The following PLS1 variants were observed in gnomAD, a reference collection of about 807,000 sequenced individuals.
PLS1 encodes plastin-1.
PLS1 carries 32 observed loss-of-function variants against 73.7 expected under a neutral mutation model. That is an observed-to-expected ratio of 0.43 (90% CI 0.33 to 0.58). PLS1 has a LOEUF of 0.58. Ranked by LOEUF, PLS1 falls within the 20% of genes least tolerant of loss-of-function variation. The probability of loss-of-function intolerance (pLI) is 0.04; values close to 1 mark genes in which losing one functional copy is unlikely to be tolerated. For missense variants in PLS1, 633 were observed against 740.5 expected (o/e 0.85, Z 1.68); for synonymous variants, 217 against 261.3 (o/e 0.83, Z 1.63).
At chr3:142,631,975 A>T (rs1199945707) in intron 1 of PLS1, among the ~76,000 whole-genome samples, 1 of 152,232 alleles carries the variant, frequency 6.6e-6, no homozygotes, top group Admixed American at 6.5e-5. Context: ...TATGACTGAT[A>T]AGAGGATAAT....
At chr3:142,639,737 G>T (rs933318183) in intron 1 of PLS1, among the ~76,000 whole-genome samples, 1 of 152,164 alleles carries the variant, frequency 6.6e-6, no homozygotes, top group East Asian at 1.9e-4. Flanking sequence ...GATGCCCTTC[G>T]CAGTGCTTAG....
intron 1 of PLS1, among the ~76,000 whole-genome samples, chr3:142,610,392 A>G (rs930768683): frequency 5.3e-5 from 8 of 152,224 alleles, no homozygotes; most frequent in African/African-American, 1.9e-4. Context: ...TTGTCTAACT[A>G]GCACAGAGTA....
chr3:142,689,173 G>A (rs1226253656), intron 9 of PLS1, among the ~76,000 whole-genome samples: 1 of 152,038 alleles, frequency 6.6e-6, no homozygotes, highest in Non-Finnish European at 1.5e-5. Context: ...GTGGCTCACG[G>A]CTATAATCCC....
At chr3:142,628,625 C>T (rs565133961) in intron 1 of PLS1, among the ~76,000 whole-genome samples, 1 of 152,220 alleles carries the variant, frequency 6.6e-6, no homozygotes. Context: ...TTGATAATGG[C>T]ACCTGTTACT....
At position 142,704,481 on chromosome 3, in the gene PLS1, A is replaced by T. The variant is rs1445435502; in HGVS notation, c.1524A>T (p.Leu508Phe). The change falls in exon 14 of 16, where the codon TTA (leucine) becomes TTT (phenylalanine). Residue 508 changes from leucine (L) to phenylalanine (F), a missense_variant. By Grantham distance (22) the Leu-to-Phe change is conservative (BLOSUM62 0). Transcript: ENST00000457734. Reference sequence around the variant, plus strand: ...GTTGCAGGTACACATTGAATGTGTTATCGGATCTTGGAGAGGGTGAAAAAG... The same window carrying T: ...GTTGCAGGTACACATTGAATGTGTTTTCGGATCTTGGAGAGGGTGAAAAAG... ...QLMRRYTLNV[L>F]SDLGEGEKVN... 6.2e-7 allele frequency: 1 copy of T among 1,603,792 alleles called. No individual in the cohort carries two copies. The highest frequency in any genetic ancestry group is 8.5e-7 in the Non-Finnish European group (1 of 1,172,072).
intron 10 of PLS1, among the ~76,000 whole-genome samples, chr3:142,691,246 G>A (rs368238644): frequency 2.0e-5 from 3 of 151,514 alleles, no homozygotes; most frequent in South Asian, 2.1e-4. Flanking sequence ...TGAAGGTCCC[G>A]TAAAATAAAA....
rs143323767 is a variant in PLS1, at chr3:142,637,289, G to C, written c.-36-26913G>C. ...GAAAGAAGCCAGAAGAAAAGAGTATGTACACATGATTCTGTTTATATAAAA... is the reference window on the plus strand; with the variant it reads ...GAAAGAAGCCAGAAGAAAAGAGTATCTACACATGATTCTGTTTATATAAAA... On this transcript the variant is annotated intron_variant, in intron 1 of 15. Transcript: ENST00000457734. Among the ~76,000 whole-genome samples, 18 of 152,270 alleles carry C rather than the reference G, an allele frequency of 1.2e-4. No homozygotes were observed. In the East Asian group the frequency reaches 3.3e-3, roughly 28 times the overall value.
rs3055060 is a variant in PLS1, at chr3:142,649,335, C to CAAAAAAAAAA, written c.-36-14858_-36-14849dup. ...TGGGTAACAGAGTGAGACCCTATGT[C>CAAAAAAAAAA]AAAAAAAAAAAAAAAAAAGGCCAGG... On this transcript the variant is annotated intron_variant, in intron 1 of 15. Transcript: ENST00000457734. 2.1e-5 allele frequency among the ~76,000 whole-genome samples: 2 copies of CAAAAAAAAAA among 93,472 alleles called. 1 individual carries two copies. Among genetic ancestry groups the CAAAAAAAAAA allele is most frequent in the Non-Finnish European group, 4.0e-5 (2 of 50,286 alleles). The allele number at this position is 93,472 out of a possible 152,430, so 61.3% of individuals were successfully genotyped here. A position where few individuals can be genotyped will look rare whatever the true frequency, so the allele number is the denominator to read the frequency against.
In PLS1 at chr3:142,704,591, T is replaced by A; in HGVS notation, c.1629+5T>A. On this transcript the variant is annotated splice_donor_5th_base_variant and intron_variant, in intron 14 of 15. Transcript: ENST00000457734. ...ACTTCTATTTCCAGCTTCAAGGTAA[T>A]CAAGAGTCCTAAAAAAAATTTTTTT... is the stretch of plus-strand genomic sequence containing the variant. 2 of 1,430,980 alleles carry A rather than the reference T, an allele frequency of 1.4e-6. No individual in the cohort carries two copies. Among genetic ancestry groups the A allele is most frequent in the Non-Finnish European group, 1.9e-6 (2 of 1,074,708 alleles). The allele number at this position is 1,430,980 out of a possible 1,614,324, so 88.6% of individuals were successfully genotyped here. A position where few individuals can be genotyped will look rare whatever the true frequency, so the allele number is the denominator to read the frequency against.
chr3:142,653,031 C>T (rs1006134094), intron 1 of PLS1, among the ~76,000 whole-genome samples: 1 of 152,102 alleles, frequency 6.6e-6, no homozygotes, highest in South Asian at 2.1e-4. Context: ...TTTGGGTCCG[C>T]GTCCATATTT....
intron 1 of PLS1, among the ~76,000 whole-genome samples, chr3:142,630,237 A>G (rs1204044707): frequency 4.0e-5 from 6 of 150,484 alleles, no homozygotes; most frequent in African/African-American, 1.5e-4. Flanking sequence ...TCCTGGTCTC[A>G]TGGTGAAACC....
At chr3:142,598,213 AAC>A (rs1424584778) in intron 1 of PLS1, among the ~76,000 whole-genome samples, 1 of 152,222 alleles carries the variant, frequency 6.6e-6, no homozygotes, top group African/African-American at 2.4e-5. Flanking sequence ...AGCACCTCCC[AAC>A]TTCCCGACCA....
At chr3:142,694,276 G>C (rs967021744) in intron 10 of PLS1, among the ~76,000 whole-genome samples, 193 bp from the exon 11 acceptor site, 1 of 152,056 alleles carries the variant, frequency 6.6e-6, no homozygotes, top group African/African-American at 2.4e-5. Flanking sequence ...AGAGCAAATG[G>C]AGGCTTCCTA....
At chr3:142,694,398 A>G (rs557007260) in intron 10 of PLS1, 71 bp from the exon 11 acceptor site, 2 of 913,136 alleles carry the variant, frequency 2.2e-6, no homozygotes, top group Non-Finnish European at 3.5e-6. Flanking sequence ...TGTACCTGCT[A>G]GAATGGTTTA....
chr3:142,613,092 C>T (rs966342368), intron 1 of PLS1, among the ~76,000 whole-genome samples: 2 of 152,114 alleles, frequency 1.3e-5, no homozygotes, highest in African/African-American at 4.8e-5. Context: ...TATGTTGAAC[C>T]AGGAGAAAAG....
At chr3:142,602,261 G>C (rs2108534246) in intron 1 of PLS1, among the ~76,000 whole-genome samples, 1 of 152,218 alleles carries the variant, frequency 6.6e-6, no homozygotes, top group Non-Finnish European at 1.5e-5. Flanking sequence ...ATTGGGGAGT[G>C]AGTTGGTGGT....
intron 14 of PLS1, among the ~76,000 whole-genome samples, chr3:142,705,872 A>G (rs1188041767): frequency 2.0e-5 from 3 of 152,094 alleles, no homozygotes; most frequent in South Asian, 2.1e-4. Flanking sequence ...CCCCTTTTCT[A>G]TCTTGGAAGA....
At chr3:142,694,580 C>T in intron 11 of PLS1, 33 bp downstream of exon 11, 1 of 1,261,336 alleles carries the variant, frequency 7.9e-7, no homozygotes, top group African/African-American at 1.5e-5. Flanking sequence ...GCTTTACTGT[C>T]AGGGTCCAAC....
intron 1 of PLS1, among the ~76,000 whole-genome samples, chr3:142,655,365 A>G (rs2037201589): frequency 6.6e-6 from 1 of 152,160 alleles, no homozygotes. Context: ...AAAAAGTCCC[A>G]ATGTTAAAAT....
Sources: allele counts gnomAD v4.1 joint callset (sites outside exome capture counted in the v4.1 genomes callset), GRCh38; gene constraint gnomAD v4.1.1; transcripts MANE v1.5; gene names NCBI Gene and HGNC (gene_info 2026-07-23, HGNC 2026-07-21).